The following GSE1 variants were observed in gnomAD, a reference collection of about 807,000 sequenced individuals.
GSE1 encodes the protein genetic suppressor element 1.
Under a neutral mutation model 112.6 loss-of-function variants are expected in GSE1, and 32 were observed. The observed-to-expected ratio is 0.28, with a 90% CI of 0.21 to 0.38. The LOEUF is 0.38. Ranked by LOEUF, GSE1 falls within the 10% of genes least tolerant of loss-of-function variation. GSE1 has a pLI of 1.00. For synonymous variants in GSE1, 1,115 were observed against 735.6 expected, an observed-to-expected ratio of 1.52 and a Z score of -8.35; for missense variants, 2,348 against 1,699.2, an observed-to-expected ratio of 1.38 and a Z score of -6.71.
chr16:85,324,066 C>T (rs901160629), intron 1 of GSE1, among the ~76,000 whole-genome samples: 13 of 152,290 alleles, frequency 8.5e-5, no homozygotes, highest in African/African-American at 2.6e-4. Flanking sequence ...CAAGTGTTGG[C>T]GAGGACGTGG....
At chr16:85,241,843 C>G (rs1170288188) in intron 1 of GSE1, among the ~76,000 whole-genome samples, 2 of 152,102 alleles carry the variant, frequency 1.3e-5, no homozygotes, top group East Asian at 1.9e-4. Context: ...TTTATGGTAT[C>G]TCATGGCCTA....
At chr16:85,360,762 G>C (rs759791457) in intron 2 of GSE1, among the ~76,000 whole-genome samples, 2 of 151,754 alleles carry the variant, frequency 1.3e-5, no homozygotes, top group Non-Finnish European at 2.9e-5. Flanking sequence ...GCATAGGCAC[G>C]GGTGCACGCG....
intron 1 of GSE1, among the ~76,000 whole-genome samples, chr16:85,563,445 C>T (rs1436686462): frequency 6.6e-6 from 1 of 152,184 alleles, no homozygotes; most frequent in Non-Finnish European, 1.5e-5. Flanking sequence ...TGGCGCTGGT[C>T]GTTACCCTCA....
At chr16:85,627,043 C>CTTTTTTTTTTT (rs1310553127) in intron 1 of GSE1, among the ~76,000 whole-genome samples, 5 of 28,672 alleles carry the variant, frequency 1.7e-4, no homozygotes, top group African/African-American at 5.3e-4. Context: ...TTTCTTCTTG[C>CTTTTTTTTTTT]CTTTTTTTTT....
intron 1 of GSE1, among the ~76,000 whole-genome samples, chr16:85,305,787 T>C (rs2045662044): frequency 6.6e-6 from 1 of 152,152 alleles, no homozygotes; most frequent in Admixed American, 6.5e-5. Flanking sequence ...AGCATCAGTA[T>C]TTTTTAAAGT....
Position 85,654,263 on chromosome 16 carries a change from G to A in GSE1, c.427-15G>A, listed in dbSNP as rs546413516. On this transcript the variant is annotated splice_polypyrimidine_tract_variant and intron_variant, in intron 3 of 15. Coordinates refer to ENST00000253458, the MANE Select transcript of GSE1 (RefSeq NM_014615.5). ...TACCAGGCTCCTGCCCTGACTGGAC[G>A]CTCTCCTCCCGCAGGATGCCGGCTC... The A allele has an allele frequency of 2.5e-5, 40 of 1,578,394 alleles. No homozygotes were observed. The East Asian group carries it at 6.4e-4, about 25-fold the overall frequency.
chr16:85,463,770 G>A (rs1214002201), intron 2 of GSE1, among the ~76,000 whole-genome samples: 1 of 152,228 alleles, frequency 6.6e-6, no homozygotes, highest in African/African-American at 2.4e-5. Context: ...CGCCGAGGGT[G>A]GGGAGCGCCA....
intron 1 of GSE1, among the ~76,000 whole-genome samples, chr16:85,581,133 G>A (rs2046430923): frequency 1.3e-5 from 2 of 152,212 alleles, no homozygotes; most frequent in Non-Finnish European, 2.9e-5. Context: ...ATCAGCCTGT[G>A]TGTGTTGGGA....
At chr16:85,221,665 C>G (rs1025140208) in intron 1 of GSE1, among the ~76,000 whole-genome samples, 1 of 152,210 alleles carries the variant, frequency 6.6e-6, no homozygotes, top group Non-Finnish European at 1.5e-5. Context: ...GTCTCGGCCC[C>G]GGCTTCCTAA....
chr16:85,295,040 C>T (rs1243964241), intron 1 of GSE1, among the ~76,000 whole-genome samples: 1 of 152,084 alleles, frequency 6.6e-6, no homozygotes, highest in East Asian at 1.9e-4. Context: ...TGGGAGCTAC[C>T]TCTCCACCAA....
At position 85,613,513 on chromosome 16, in the gene GSE1, TC is replaced by T. The variant is rs2048139729; in HGVS notation, c.7+119del. 4 of 945,756 alleles carry T rather than the reference TC, an allele frequency of 4.2e-6. No homozygotes were observed. In the African/African-American group the frequency reaches 5.3e-5, roughly 12 times the overall value. 58.6% of individuals were successfully genotyped at this position (945,756 alleles called of 1,614,324 possible). A position where few individuals can be genotyped will look rare whatever the true frequency, so the allele number is the denominator to read the frequency against. On this transcript the variant is annotated intron_variant, in intron 1 of 15. Transcript: ENST00000253458. ...GGCCGCCAACGGCTCCCGGGCAACT[TC>T]CCCGGAGTGTTAGCGGCGATAAGAG...
chr16:85,411,022 G>T (rs2048522324), intron 2 of GSE1, among the ~76,000 whole-genome samples: 3 of 61,256 alleles, frequency 4.9e-5, no homozygotes, highest in South Asian at 6.8e-4. Context: ...AGCCCCCCTG[G>T]ATAATCCTCA....
chr16:85,205,836 C>T (rs1007405287), intron 1 of GSE1, among the ~76,000 whole-genome samples: 3 of 152,184 alleles, frequency 2.0e-5, no homozygotes, highest in Admixed American at 6.5e-5. Flanking sequence ...CCAGGTGACA[C>T]GGCTGCCTGA....
At chr16:85,327,121 G>A (rs1283984670) in intron 1 of GSE1, among the ~76,000 whole-genome samples, 1 of 152,198 alleles carries the variant, frequency 6.6e-6, no homozygotes, top group Non-Finnish European at 1.5e-5. Context: ...CTCTCCCTGG[G>A]CAACCTGGGC....
chr16:85,206,134 T>TC (rs1338019352), intron 1 of GSE1, among the ~76,000 whole-genome samples: 1 of 147,032 alleles, frequency 6.8e-6, no homozygotes, highest in Non-Finnish European at 1.5e-5. Flanking sequence ...TGATCCCAGT[T>TC]CTGAACGATA....
chr16:85,465,954 A>C (rs2050109938), intron 2 of GSE1, among the ~76,000 whole-genome samples: 1 of 152,202 alleles, frequency 6.6e-6, no homozygotes, highest in African/African-American at 2.4e-5. Context: ...GTCACATCCG[A>C]AGTCAGTCTG....
chr16:85,617,611 C>A (rs1171116009), intron 1 of GSE1, among the ~76,000 whole-genome samples: 1 of 30,796 alleles, frequency 3.2e-5, no homozygotes, highest in Non-Finnish European at 6.9e-5. Context: ...CCCCCCCCCC[C>A]GTTAACTGCC....
At chr16:85,652,157 CTG>C (rs1314191349) in intron 3 of GSE1, among the ~76,000 whole-genome samples, 3 of 152,234 alleles carry the variant, frequency 2.0e-5, no homozygotes, top group South Asian at 2.1e-4. Context: ...CTCTGCTGCC[CTG>C]TGAGTCCCCC....
intron 15 of GSE1, chr16:85,672,174 T>C (rs2053400622): frequency 1.9e-6 from 1 of 520,178 alleles, no homozygotes. Flanking sequence ...AATTTTTTTG[T>C]TTAGTAGATG....
Sources: gnomAD v4.1 joint callset for allele counts (sites outside exome capture counted in the v4.1 genomes callset) on GRCh38, gnomAD v4.1.1 for gene constraint, MANE v1.5 for transcripts, NCBI Gene and HGNC (gene_info 2026-07-23, HGNC 2026-07-21) for gene names.